Variants in PATE3 observed in about 807,000 individuals in gnomAD.
PATE3 encodes prostate and testis expressed protein 3.
Under a neutral mutation model 7.4 loss-of-function variants are expected in PATE3, and 7 were observed. That is an observed-to-expected ratio of 0.95 (90% CI 0.54 to 1.78). The LOEUF is 1.78. PATE3 is among the 40% of genes most tolerant of loss of function. PATE3 has a pLI of 0.00. For missense variants in PATE3, 117 were observed against 122.5 expected (o/e 0.96, Z 0.21); for synonymous variants, 38 against 40.2 (o/e 0.94, Z 0.21).
rs896707600 is a variant in PATE3 at position 125,790,503 on chromosome 11, G to T, written c.198G>T (p.Met66Ile). ...GCAATACTCTCCAGATATCATACAT[G>T]GTGTGTCAGAAATTCTGCAGAGACA... ...YQRNTLQISY[M>I]VCQKFCRDMT... The change falls in exon 3 of 3, where the codon ATG becomes ATT. Residue 66 changes from methionine (M) to isoleucine (I), a missense_variant. Met to Ile is a conservative substitution (Grantham distance 10). Coordinates refer to ENST00000445202, the MANE Select transcript of PATE3 (RefSeq NM_001129883.4). The T allele has an allele frequency of 7.7e-6, 12 of 1,550,768 alleles. No homozygotes were observed. The Admixed American group carries it at 1.4e-4, about 18-fold the overall frequency.
In PATE3 at chr11:125,788,132, C is replaced by A. The variant is rs1478908056; in HGVS notation, c.-20C>A. 1 of 1,550,894 alleles carries A rather than the reference C, an allele frequency of 6.4e-7. No individual in the cohort carries two copies. Among genetic ancestry groups the A allele is most frequent in the Non-Finnish European group, 8.7e-7 (1 of 1,146,446 alleles). ...CAGCCCCTAGCTTCTTTTTCCTGCA[C>A]AAGGGATTTCCGGGTCAGGATGAAC... On this transcript the variant is annotated 5_prime_UTR_variant, in exon 1 of 3. Coordinates refer to ENST00000445202, the MANE Select transcript of PATE3 (RefSeq NM_001129883.4).
Position 125,790,566 on chromosome 11 carries a change from A to C in PATE3, c.261A>C (p.Thr87=). 6.4e-7 allele frequency: 1 copy of C among 1,551,520 alleles called. No homozygotes were observed. Among genetic ancestry groups the C allele is most frequent in the Non-Finnish European group, 8.7e-7 (1 of 1,146,856 alleles). The part of the protein sequence containing the change: ...FDLRNRTYVH[T]CCNYNYCNFK... Reference sequence around the variant, plus strand: ...TCAGGAATCGGACTTATGTTCATACATGCTGCAACTACAATTACTGTAACT... The same window carrying C: ...TCAGGAATCGGACTTATGTTCATACCTGCTGCAACTACAATTACTGTAACT... The change falls in exon 3 of 3, where the codon ACA becomes ACC. Residue 87 remains threonine, a synonymous_variant. Coordinates refer to ENST00000445202, the MANE Select transcript of PATE3 (RefSeq NM_001129883.4).
intron 2 of PATE3, among the ~76,000 whole-genome samples, chr11:125,789,744 A>T (rs1299858562): frequency 6.6e-6 from 1 of 152,186 alleles, no homozygotes; most frequent in Non-Finnish European, 1.5e-5. Flanking sequence ...TTGATAATCG[A>T]CACATAACAA....
chr11:125,791,575 TTAAG>T lies in PATE3; in HGVS notation c.*977_*980del, dbSNP rs957052866. 2.0e-5 allele frequency: 3 copies of T among 152,246 alleles called. No homozygotes were observed. The highest frequency in any genetic ancestry group is 4.4e-5 in the Non-Finnish European group (3 of 68,078). The allele number at this position is 152,246 out of a possible 1,614,324, so 9.4% of individuals were successfully genotyped here. Reference sequence around the variant, plus strand: ...TTTGTCTGTCCCTTGCTGCCCATCTTTAAGTAATAAACCGACTTCACATAACTTG... The same window carrying T: ...TTTGTCTGTCCCTTGCTGCCCATCTTTAATAAACCGACTTCACATAACTTG... On this transcript the variant is annotated 3_prime_UTR_variant, in exon 3 of 3. Coordinates refer to ENST00000445202, the MANE Select transcript of PATE3 (RefSeq NM_001129883.4).
At position 125,789,413 on chromosome 11, in the gene PATE3, G is replaced by C. The variant is rs1943591280; in HGVS notation, c.77G>C (p.Cys26Ser). Residue 26 changes from cysteine (C) to serine (S), a missense_variant, in exon 2 of 3, where the codon TGC becomes TCC. By Grantham distance (112) the Cys-to-Ser change is moderately radical (BLOSUM62 -1). Transcript: ENST00000445202. ...GTGACATCACTTCAGTGCATAACAT[G>C]CCACCTTCGCACACGGACAGACCGC... ...VAVTSLQCIT[C>S]HLRTRTDRCR... 1 of 1,551,516 alleles carries C rather than the reference G, an allele frequency of 6.4e-7. No homozygotes were observed. The highest frequency in any genetic ancestry group is 8.7e-7 in the Non-Finnish European group (1 of 1,146,874).
chr11:125,788,869 T>G (rs190414421), intron 1 of PATE3, among the ~76,000 whole-genome samples: 2 of 152,164 alleles, frequency 1.3e-5, no homozygotes, highest in South Asian at 2.1e-4. Flanking sequence ...GAAATTTTTT[T>G]AAATTAAACC....
Position 125,789,432 on chromosome 11 carries a change from A to G in PATE3, c.96A>G (p.Thr32=). 6.4e-7 allele frequency: 1 copy of G among 1,551,684 alleles called. No individual in the cohort carries two copies. The highest frequency in any genetic ancestry group is 8.7e-7 in the Non-Finnish European group (1 of 1,146,936). The stretch of plus-strand genomic sequence containing the variant: ...TAACATGCCACCTTCGCACACGGAC[A>G]GACCGCTGTAGAAGAGGCTTTGGTG... ...QCITCHLRTR[T]DRCRRGFGVC... is the part of the protein sequence containing the mutation. Residue 32 remains threonine, a synonymous_variant, in exon 2 of 3, where the codon ACA becomes ACG. Transcript: ENST00000445202.
intron 2 of PATE3, among the ~76,000 whole-genome samples, chr11:125,790,159 T>G (rs1207818553): frequency 6.6e-6 from 1 of 152,172 alleles, no homozygotes; most frequent in Non-Finnish European, 1.5e-5. Context: ...AAGGAGAGGA[T>G]GAAGACAGTC....
intron 1 of PATE3, among the ~76,000 whole-genome samples, chr11:125,788,920 G>A (rs548257160): frequency 6.6e-6 from 1 of 152,142 alleles, no homozygotes; most frequent in East Asian, 1.9e-4. Context: ...TCATAAAAGT[G>A]TCACTTATGG....
intron 2 of PATE3, among the ~76,000 whole-genome samples, chr11:125,789,937 A>G (rs1291052977): frequency 6.6e-6 from 1 of 152,216 alleles, no homozygotes; most frequent in Admixed American, 6.5e-5. Context: ...ATATACACAC[A>G]ATAGAATATT....
In PATE3 at chr11:125,790,693, G is replaced by C. The variant is rs1389830884; in HGVS notation, c.*91G>C. 1 of 1,325,682 alleles carries C rather than the reference G, an allele frequency of 7.5e-7. No individual in the cohort carries two copies. Among genetic ancestry groups the C allele is most frequent in the African/African-American group, 1.5e-5 (1 of 68,190 alleles). 82.1% of individuals were successfully genotyped at this position (1,325,682 alleles called of 1,614,324 possible). On this transcript the variant is annotated 3_prime_UTR_variant, in exon 3 of 3. Transcript: ENST00000445202. ...TGGCCCTTGCTTCCCTTCCGTGTCTGTCCTGACAATACCCCTGCCCTCGCA... is the reference window on the plus strand; with the variant it reads ...TGGCCCTTGCTTCCCTTCCGTGTCTCTCCTGACAATACCCCTGCCCTCGCA...
rs1411443923 is a variant in PATE3 at position 125,790,868 on chromosome 11, G to A, written c.*266G>A. The A allele has an allele frequency of 3.5e-6, 1 of 287,390 alleles. No individual in the cohort carries two copies. 17.8% of individuals were successfully genotyped at this position (287,390 alleles called of 1,614,324 possible). On this transcript the variant is annotated 3_prime_UTR_variant, in exon 3 of 3. Coordinates refer to ENST00000445202, the MANE Select transcript of PATE3 (RefSeq NM_001129883.4). ...ATATTCCAAGAAACCTGCCCCAAGA[G>A]TTCCTGTACAGTAAAATTTAAAGCA...
Position 125,790,700 on chromosome 11 carries a change from C to A in PATE3, c.*98C>A. 8.0e-7 allele frequency: 1 copy of A among 1,255,256 alleles called. No individual in the cohort carries two copies. 77.8% of individuals were successfully genotyped at this position (1,255,256 alleles called of 1,614,324 possible). A position where few individuals can be genotyped will look rare whatever the true frequency, so the allele number is the denominator to read the frequency against. Reference sequence around the variant, plus strand: ...TGCTTCCCTTCCGTGTCTGTCCTGACAATACCCCTGCCCTCGCATTAACCT... The same window carrying A: ...TGCTTCCCTTCCGTGTCTGTCCTGAAAATACCCCTGCCCTCGCATTAACCT... On this transcript the variant is annotated 3_prime_UTR_variant, in exon 3 of 3. Coordinates refer to ENST00000445202, the MANE Select transcript of PATE3 (RefSeq NM_001129883.4).
intron 2 of PATE3, among the ~76,000 whole-genome samples, chr11:125,790,029 G>A (rs1200298547): frequency 1.3e-5 from 2 of 152,108 alleles, no homozygotes; most frequent in Non-Finnish European, 2.9e-5. Context: ...AATGAAATAA[G>A]CCAGGCCCAG....
chr11:125,788,876 A>AT (rs1346912317), intron 1 of PATE3, among the ~76,000 whole-genome samples: 2 of 152,146 alleles, frequency 1.3e-5, no homozygotes, highest in South Asian at 2.1e-4. Flanking sequence ...TTTTAAATTA[A>AT]ACCTGTATTT....
rs1275248269 is a variant in PATE3 at position 125,790,636 on chromosome 11, G to A, written c.*34G>A. Reference sequence around the variant, plus strand: ...CCCTCCTGAGGTCTCGCTTTGGAATGTCCCCAATGTTGCTCATCCTTCACA... The same window carrying A: ...CCCTCCTGAGGTCTCGCTTTGGAATATCCCCAATGTTGCTCATCCTTCACA... On this transcript the variant is annotated 3_prime_UTR_variant, in exon 3 of 3. Coordinates refer to ENST00000445202, the MANE Select transcript of PATE3 (RefSeq NM_001129883.4). 4 of 1,540,662 alleles carry A rather than the reference G, an allele frequency of 2.6e-6. No homozygotes were observed. Among genetic ancestry groups the A allele is most frequent in the Non-Finnish European group, 3.5e-6 (4 of 1,140,916 alleles).
Position 125,790,862 on chromosome 11 carries a change from C to T in PATE3, c.*260C>T, listed in dbSNP as rs1943605169. 3.1e-6 allele frequency: 1 copy of T among 323,056 alleles called. No individual in the cohort carries two copies. Among genetic ancestry groups the T allele is most frequent in the Non-Finnish European group, 5.6e-6 (1 of 178,632 alleles). The allele number at this position is 323,056 out of a possible 1,614,324, so 20.0% of individuals were successfully genotyped here. A position where few individuals can be genotyped will look rare whatever the true frequency, so the allele number is the denominator to read the frequency against. ...ATGGCCATATTCCAAGAAACCTGCC[C>T]CAAGAGTTCCTGTACAGTAAAATTT... is the stretch of plus-strand genomic sequence containing the variant. On this transcript the variant is annotated 3_prime_UTR_variant, in exon 3 of 3. Coordinates refer to ENST00000445202, the MANE Select transcript of PATE3 (RefSeq NM_001129883.4).
intron 1 of PATE3, 106 bp downstream of exon 1, chr11:125,788,306 T>C (rs1039713872): frequency 5.6e-6 from 6 of 1,071,940 alleles, no homozygotes; most frequent in Non-Finnish European, 8.0e-6. Context: ...TTGGCCACTT[T>C]TATGAGCCAG....
At chr11:125,788,725 A>G (rs1236338955) in intron 1 of PATE3, among the ~76,000 whole-genome samples, 1 of 152,166 alleles carries the variant, frequency 6.6e-6, no homozygotes, top group Non-Finnish European at 1.5e-5. Context: ...TTGGTTGCTC[A>G]TTCAAGAAAT....
Sources: gnomAD v4.1 joint callset for allele counts (sites outside exome capture counted in the v4.1 genomes callset) on GRCh38, gnomAD v4.1.1 for gene constraint, MANE v1.5 for transcripts, NCBI Gene and HGNC (gene_info 2026-07-23, HGNC 2026-07-21) for gene names.